VPS53: variants seen among roughly 807,000 people sequenced by gnomAD.
VPS53 encodes the protein vacuolar protein sorting-associated protein 53 homolog.
Under a neutral mutation model 107.0 loss-of-function variants are expected in VPS53, and 70 were observed. That is an observed-to-expected ratio of 0.65 (90% CI 0.54 to 0.80). VPS53 has a LOEUF of 0.80. Among genes scored for constraint, VPS53 ranks in the 30% least tolerant of loss-of-function variants. The pLI is 0.00. For synonymous variants in VPS53, 409 were observed against 393.3 expected (o/e 1.04, Z -0.47); for missense variants, 917 against 1,049.4 (o/e 0.87, Z 1.74).
At position 511,445 on chromosome 17, in the gene VPS53, G is replaced by A. The variant is rs1039481101; in HGVS notation, c.*7683C>T. 4 of 152,200 alleles carry A rather than the reference G, an allele frequency of 2.6e-5. No individual in the cohort carries two copies. Among genetic ancestry groups the A allele is most frequent in the African/African-American group, 9.7e-5 (4 of 41,438 alleles). The allele number at this position is 152,200 out of a possible 1,614,324, so 9.4% of individuals were successfully genotyped here. ...AATTCCATTTGATGACTGAGCAGAA[G>A]CTCCCAGAACCCTCGGATGAAGTGA... is the stretch of plus-strand genomic sequence containing the variant. On this transcript the variant is annotated 3_prime_UTR_variant, in exon 22 of 22. Coordinates refer to ENST00000437048, the MANE Select transcript of VPS53 (RefSeq NM_001128159.3).
chr17:685,575 G>A (rs1567738495), intron 4 of VPS53, among the ~76,000 whole-genome samples: 2 of 152,154 alleles, frequency 1.3e-5, no homozygotes, highest in Non-Finnish European at 2.9e-5. Flanking sequence ...AGGCACGGTA[G>A]GCTAAGCTAT....
chr17:623,773 GTA>G, intron 10 of VPS53, 99 bp from the exon 11 acceptor site: 1 of 1,274,292 alleles, frequency 7.8e-7, no homozygotes, highest in Non-Finnish European at 1.1e-6. Context: ...AAAAAAAAAT[GTA>G]TGTGGTCATT....
rs61004817 is a variant in VPS53, at chr17:629,809, CCACACACA to C, written c.688-1586_688-1579del. ...AACTAAAAACAAAACAAAAAAAAAACCACACACACACACACACACACACACACACACAC... is the reference window on the plus strand; with the variant it reads ...AACTAAAAACAAAACAAAAAAAAAACCACACACACACACACACACACACAC... On this transcript the variant is annotated intron_variant, in intron 8 of 21. Transcript: ENST00000437048. 7.4e-4 allele frequency among the ~76,000 whole-genome samples: 104 copies of C among 140,750 alleles called. 1 individual carries two copies. The highest frequency in any genetic ancestry group is 3.6e-3 in the Middle Eastern group (1 of 278). 92.3% of individuals were successfully genotyped at this position (140,750 alleles called of 152,430 possible).
At chr17:570,659 A>G (rs1229189472) in intron 13 of VPS53, among the ~76,000 whole-genome samples, 2 of 152,188 alleles carry the variant, frequency 1.3e-5, no homozygotes, top group Admixed American at 1.3e-4. Flanking sequence ...GTGATCCTAG[A>G]GCTATTTAAA....
At chr17:574,189 C>T (rs1914414274) in intron 13 of VPS53, among the ~76,000 whole-genome samples, 1 of 152,184 alleles carries the variant, frequency 6.6e-6, no homozygotes, top group Admixed American at 6.5e-5. Context: ...GCAGCACAGC[C>T]TGCGCAGTAT....
At chr17:683,482 A>T (rs1052619889) in intron 4 of VPS53, among the ~76,000 whole-genome samples, 2 of 152,234 alleles carry the variant, frequency 1.3e-5, no homozygotes, top group Admixed American at 6.5e-5. Flanking sequence ...AGCTGAGAGC[A>T]TTTCTTGCCA....
At chr17:678,784 G>A (rs1030930384) in intron 4 of VPS53, among the ~76,000 whole-genome samples, 78 of 152,086 alleles carry the variant, frequency 5.1e-4, no homozygotes, top group Non-Finnish European at 7.2e-4. Flanking sequence ...GACTACAGGC[G>A]CCCGCCATCA....
In VPS53 at chr17:516,317, C is replaced by G. The variant is rs576797739; in HGVS notation, c.*2811G>C. 14 of 152,240 alleles carry G rather than the reference C, an allele frequency of 9.2e-5. No homozygotes were observed. Among genetic ancestry groups the G allele is most frequent in the African/African-American group, 3.1e-4 (13 of 41,536 alleles). The allele number at this position is 152,240 out of a possible 1,614,324, so 9.4% of individuals were successfully genotyped here. A position where few individuals can be genotyped will look rare whatever the true frequency, so the allele number is the denominator to read the frequency against. ...TATAACTACCTATGGAACTTTTAAA[C>G]CTGTATGCCAGGCCCCATCCAAACT... On this transcript the variant is annotated 3_prime_UTR_variant, in exon 22 of 22. Transcript: ENST00000437048.
chr17:593,869 T>C (rs920225894), intron 12 of VPS53, among the ~76,000 whole-genome samples: 8 of 152,194 alleles, frequency 5.3e-5, no homozygotes, highest in South Asian at 2.1e-4. Context: ...CGTATGTTTA[T>C]TGCAGCATTA....
chr17:540,370 TC>T (rs1028554861), intron 17 of VPS53: 9 of 152,046 alleles, frequency 5.9e-5, no homozygotes, highest in African/African-American at 1.9e-4. Context: ...TATATTTTTT[TC>T]TTTTTTACTT....
chr17:647,128 CT>C (rs1174451685), intron 7 of VPS53, among the ~76,000 whole-genome samples: 2 of 152,230 alleles, frequency 1.3e-5, no homozygotes, highest in Non-Finnish European at 2.9e-5. Flanking sequence ...CCTCTTCCTT[CT>C]TTCCCCCATT....
chr17:637,434 T>G (rs576882416), intron 7 of VPS53, among the ~76,000 whole-genome samples: 2 of 152,354 alleles, frequency 1.3e-5, no homozygotes, highest in African/African-American at 4.8e-5. Context: ...TCTGCTCTGA[T>G]CTTAGTTATT....
At position 519,839 on chromosome 17, in the gene VPS53, A is replaced by G. The variant is rs1469486851; in HGVS notation, c.2315T>C (p.Ile772Thr). Residue 772 changes from isoleucine to threonine, a missense_variant, in exon 21 of 22, where the codon ATA becomes ACA. Transcript: ENST00000437048. The surrounding 1 kb of genome is among the most constrained non-coding windows in gnomAD (Gnocchi z 5.0). ...TDCNTETFQKILDMKGLKRSE... is the reference protein window; with the variant it reads ...TDCNTETFQKTLDMKGLKRSE... ...CCCGGCACAAACCTTCATGTCCAGT[A>G]TCTTCTGAAAGGTTTCTGTGTTGCA... The G allele has an allele frequency of 6.4e-7, 1 of 1,551,190 alleles. No homozygotes were observed. Among genetic ancestry groups the G allele is most frequent in the East Asian group, 2.4e-5 (1 of 40,928 alleles).
At chr17:558,437 T>C (rs1372088908) in intron 15 of VPS53, among the ~76,000 whole-genome samples, 1 of 149,012 alleles carries the variant, frequency 6.7e-6, no homozygotes, top group Non-Finnish European at 1.5e-5. Flanking sequence ...ATCGAGACTA[T>C]CCTGGCTAAC....
At chr17:672,175 A>ATCTCTCTCTCTCTCTCTCTCTCTCTCTC (rs10539620) in intron 4 of VPS53, among the ~76,000 whole-genome samples, 4 of 107,158 alleles carry the variant, frequency 3.7e-5, no homozygotes, top group South Asian at 3.9e-4. Context: ...CACAATCTCA[A>ATCTCTCTCTCTCTCTCTCTCTCTCTCTC]TCTCTCTCTC....
chr17:692,888 C>G (rs1284727809), intron 4 of VPS53, among the ~76,000 whole-genome samples: 2 of 152,294 alleles, frequency 1.3e-5, no homozygotes, highest in African/African-American at 4.8e-5. Context: ...GTAATCCCAG[C>G]ACTTTGGGAG....
chr17:602,071 T>C (rs537941115), intron 11 of VPS53, among the ~76,000 whole-genome samples, 175 bp from the exon 12 acceptor site: 1 of 152,272 alleles, frequency 6.6e-6, no homozygotes, highest in Non-Finnish European at 1.5e-5. Context: ...GTGCTTTCCC[T>C]CTTCCTGCAA....
intron 10 of VPS53, among the ~76,000 whole-genome samples, chr17:624,392 A>G (rs1439440503): frequency 6.6e-6 from 1 of 152,296 alleles, no homozygotes; most frequent in East Asian, 1.9e-4. Context: ...AAAAGTGGCA[A>G]GCACGCTTAG....
chr17:713,793 A>C (rs1973733091), intron 1 of VPS53, among the ~76,000 whole-genome samples: 2 of 151,974 alleles, frequency 1.3e-5, no homozygotes, highest in African/African-American at 4.8e-5. Context: ...TAATCCCAGC[A>C]CTTTGGGAGG....
Sources: allele counts gnomAD v4.1 joint callset (sites outside exome capture counted in the v4.1 genomes callset), GRCh38; gene constraint gnomAD v4.1.1; non-coding constraint Gnocchi (gnomAD v3.1); transcripts MANE v1.5; gene names NCBI Gene and HGNC (gene_info 2026-07-23, HGNC 2026-07-21).